Variants in NFIL3 observed in about 807,000 individuals in gnomAD.
NFIL3 encodes the protein nuclear factor, interleukin 3 regulated, also known as nuclear factor interleukin-3-regulated protein.
Under a neutral mutation model 10.0 loss-of-function variants are expected in NFIL3, and 5 were observed. That is an observed-to-expected ratio of 0.50 (90% CI 0.26 to 1.06). NFIL3 has a LOEUF of 1.06. NFIL3 is among the 50% of genes least tolerant of loss of function. NFIL3 has a pLI of 0.13. For missense variants in NFIL3, 436 were observed against 547.6 expected (o/e 0.80, Z 2.03); for synonymous variants, 202 against 206.5 (o/e 0.98, Z 0.19).
chr9:91,441,764 A>AT, the NFIL3 span, among the ~76,000 whole-genome samples: 1 of 152,202 alleles, frequency 6.6e-6, no homozygotes, highest in East Asian at 1.9e-4. Context: ...TCTGTCACAT[A>AT]TAAAAACTCT....
chr9:91,422,593 T>C (rs1833790489), intron 1 of NFIL3, among the ~76,000 whole-genome samples: 1 of 152,250 alleles, frequency 6.6e-6, no homozygotes, highest in South Asian at 2.1e-4. Context: ...AATTCGGCAG[T>C]TACATAATGC....
the NFIL3 span, among the ~76,000 whole-genome samples, chr9:91,456,234 C>T: frequency 2.2e-3 from 330 of 152,188 alleles, 1 homozygote; most frequent in South Asian, 0.023. Flanking sequence ...CATGTGTTTG[C>T]GTGTCTTAGG....
At chr9:91,437,014 C>T in the NFIL3 span, among the ~76,000 whole-genome samples, 4 of 152,284 alleles carry the variant, frequency 2.6e-5, no homozygotes, top group African/African-American at 4.8e-5. Flanking sequence ...ATAAGGAGTG[C>T]GCAACCTAGA....
the NFIL3 span, among the ~76,000 whole-genome samples, chr9:91,447,819 A>G: frequency 6.6e-6 from 1 of 152,118 alleles, no homozygotes; most frequent in African/African-American, 2.4e-5. Context: ...TCTTTGATGC[A>G]CAAAAGTTTT....
At chr9:91,431,994 G>A in the NFIL3 span, among the ~76,000 whole-genome samples, 1 of 151,848 alleles carries the variant, frequency 6.6e-6, no homozygotes, top group African/African-American at 2.4e-5. Context: ...GGGTCTTCCT[G>A]GGTTCCCAAT....
chr9:91,453,946 A>T, the NFIL3 span, among the ~76,000 whole-genome samples: 119 of 152,122 alleles, frequency 7.8e-4, 3 homozygotes, highest in African/African-American at 2.7e-3. Context: ...AGAACATCAC[A>T]ACTAAGGTCA....
chr9:91,409,910 C>A lies in NFIL3; in HGVS notation c.825G>T (p.Ser275=), dbSNP rs138992924. Residue 275 remains serine (S), a synonymous_variant, in exon 2 of 2, where the codon TCG becomes TCT. Coordinates refer to ENST00000297689, the MANE Select transcript of NFIL3 (RefSeq NM_005384.3). ...NRSSSNSPRT[S]ETDDGVVGKS... ...TTCCTACCACACCATCATCAGTTTC[C>A]GACGTTCTCGGGGAGTTGCTGGAGG... is the stretch of plus-strand genomic sequence containing the variant. 6.2e-7 allele frequency: 1 copy of A among 1,613,790 alleles called. No individual in the cohort carries two copies. The highest frequency in any genetic ancestry group is 1.7e-5 in the Admixed American group (1 of 60,004).
intron 1 of NFIL3, among the ~76,000 whole-genome samples, chr9:91,413,305 G>C (rs565174547): frequency 1.7e-4 from 26 of 151,662 alleles, no homozygotes; most frequent in African/African-American, 6.1e-4. Context: ...CTAGAGTGCA[G>C]TGGTGCAATC....
the NFIL3 span, among the ~76,000 whole-genome samples, chr9:91,476,032 G>A: frequency 6.6e-6 from 1 of 152,192 alleles, no homozygotes; most frequent in African/African-American, 2.4e-5. Context: ...ATGAATGAAT[G>A]ACTGCTCCAT....
chr9:91,451,715 T>C, the NFIL3 span, among the ~76,000 whole-genome samples: 3 of 152,184 alleles, frequency 2.0e-5, no homozygotes, highest in East Asian at 5.8e-4. Flanking sequence ...GTGTGGGTTC[T>C]TGTCTTGTAA....
chr9:91,435,982 A>C, the NFIL3 span, among the ~76,000 whole-genome samples: 5 of 152,298 alleles, frequency 3.3e-5, no homozygotes, highest in Admixed American at 6.5e-5. Flanking sequence ...TGAGCAGAAC[A>C]GTAATTTACT....
chr9:91,469,968 T>C, the NFIL3 span, among the ~76,000 whole-genome samples: 6 of 152,348 alleles, frequency 3.9e-5, no homozygotes, highest in Admixed American at 6.5e-5. Context: ...TTGATGTTCA[T>C]CAGGGATATT....
the NFIL3 span, among the ~76,000 whole-genome samples, chr9:91,478,684 G>C: frequency 6.6e-6 from 1 of 151,898 alleles, no homozygotes; most frequent in African/African-American, 2.4e-5. Context: ...TTGTTCCCTT[G>C]CTGGCGAGGA....
At chr9:91,432,928 T>G in the NFIL3 span, among the ~76,000 whole-genome samples, 24,021 of 152,162 alleles carry the variant, frequency 0.16, 3,083 homozygotes, top group African/African-American at 0.35. Flanking sequence ...CTACTGAATA[T>G]CTGAAAAGCA....
At chr9:91,460,862 A>AT in the NFIL3 span, among the ~76,000 whole-genome samples, 1 of 152,204 alleles carries the variant, frequency 6.6e-6, no homozygotes, top group African/African-American at 2.4e-5. Context: ...CAAAAGTACT[A>AT]TTTTACTTAT....
chr9:91,471,831 G>A, the NFIL3 span, among the ~76,000 whole-genome samples: 3 of 152,188 alleles, frequency 2.0e-5, no homozygotes, highest in African/African-American at 7.2e-5. Context: ...TGTTTTTGCA[G>A]TGGCTGGTAC....
At chr9:91,454,344 A>G in the NFIL3 span, among the ~76,000 whole-genome samples, 1 of 152,068 alleles carries the variant, frequency 6.6e-6, no homozygotes, top group African/African-American at 2.4e-5. Context: ...TTCCATGGAA[A>G]TCAACTTTCT....
At chr9:91,468,481 G>C in the NFIL3 span, among the ~76,000 whole-genome samples, 1 of 152,104 alleles carries the variant, frequency 6.6e-6, no homozygotes, top group East Asian at 1.9e-4. Context: ...CTCCCATTCT[G>C]TAGGTTGCCT....
At chr9:91,419,240 A>C (rs1463269586) in intron 1 of NFIL3, among the ~76,000 whole-genome samples, 3 of 152,258 alleles carry the variant, frequency 2.0e-5, no homozygotes, top group Non-Finnish European at 2.9e-5. Context: ...CATCTGGATT[A>C]CAATGGAAAT....
Sources: allele counts gnomAD v4.1 joint callset (sites outside exome capture counted in the v4.1 genomes callset), GRCh38; gene constraint gnomAD v4.1.1; transcripts MANE v1.5; gene names NCBI Gene and HGNC (gene_info 2026-07-23, HGNC 2026-07-21).